GNA15: variants seen among roughly 807,000 people sequenced by gnomAD.
The protein encoded by GNA15 is G protein subunit alpha 15, also known as guanine nucleotide-binding protein subunit alpha-15.
Under a neutral mutation model 40.1 loss-of-function variants are expected in GNA15, and 23 were observed. That is an observed-to-expected ratio of 0.57 (90% CI 0.41 to 0.81). The LOEUF is 0.81. Among genes scored for constraint, GNA15 ranks in the 40% least tolerant of loss-of-function variants. GNA15 has a pLI of 0.00. For synonymous variants in GNA15, 226 were observed against 210.4 expected, an observed-to-expected ratio of 1.07 and a Z score of -0.64; for missense variants, 522 against 515.8, an observed-to-expected ratio of 1.01 and a Z score of -0.12.
intron 3 of GNA15, among the ~76,000 whole-genome samples, chr19:3,150,838 C>G (rs913049760): frequency 2.7e-5 from 4 of 150,380 alleles, no homozygotes; most frequent in Non-Finnish European, 4.4e-5. Flanking sequence ...GCCTTGGAGT[C>G]CCTGTTCCCG....
At chr19:3,158,983 G>A (rs901169973) in intron 6 of GNA15, among the ~76,000 whole-genome samples, 7 of 151,594 alleles carry the variant, frequency 4.6e-5, no homozygotes, top group Non-Finnish European at 5.9e-5. Flanking sequence ...ATCCCTAATT[G>A]GATAGCAATT....
intron 1 of GNA15, among the ~76,000 whole-genome samples, chr19:3,148,045 G>T (rs538332173): frequency 1.3e-5 from 2 of 151,704 alleles, no homozygotes; most frequent in East Asian, 3.9e-4. Flanking sequence ...GTTTGATGCA[G>T]CAGGCATGGT....
In GNA15 at chr19:3,163,263, C is replaced by T; in HGVS notation, c.*244C>T. 1 of 544,878 alleles carries T rather than the reference C, an allele frequency of 1.8e-6. No individual in the cohort carries two copies. Among genetic ancestry groups the T allele is most frequent in the African/African-American group, 1.9e-5 (1 of 52,992 alleles). The allele number at this position is 544,878 out of a possible 1,614,324, so 33.8% of individuals were successfully genotyped here. ...TTTGAAAGGGAAGGAGCAAAACGGC[C>T]ATTTGGGATGCCAGGGTGGATGAAA... On this transcript the variant is annotated 3_prime_UTR_variant, in exon 7 of 7. Coordinates refer to ENST00000262958, the MANE Select transcript of GNA15 (RefSeq NM_002068.4).
chr19:3,161,797 C>T (rs1166185441), intron 6 of GNA15, among the ~76,000 whole-genome samples: 1 of 152,156 alleles, frequency 6.6e-6, no homozygotes, highest in Non-Finnish European at 1.5e-5. Flanking sequence ...CTTTGGGAGG[C>T]TGAGGCGCGC....
chr19:3,146,436 C>T (rs1914722848), intron 1 of GNA15: 1 of 152,182 alleles, frequency 6.6e-6, no homozygotes, highest in African/African-American at 2.4e-5. Context: ...CATCAGTATC[C>T]CGGACCCAGG....
rs1165980266 is a variant in GNA15 at position 3,136,063 on chromosome 19, A to G, written c.-388A>G. On this transcript the variant is annotated 5_prime_UTR_variant, in exon 1 of 7. Transcript: ENST00000262958. The surrounding 1 kb of genome is among the most constrained non-coding windows in gnomAD (Gnocchi z 4.9). ...GAGGAAGAAGGGCCCTGCTGGTCAC[A>G]CAGGACCCAGTCTGCGGTGGGGGTT... is the stretch of plus-strand genomic sequence containing the variant. The G allele has an allele frequency of 5.6e-6, 1 of 178,528 alleles. No homozygotes were observed. Among genetic ancestry groups the G allele is most frequent in the East Asian group, 1.7e-4 (1 of 5,984 alleles). 11.1% of individuals were successfully genotyped at this position (178,528 alleles called of 1,614,324 possible). A position where few individuals can be genotyped will look rare whatever the true frequency, so the allele number is the denominator to read the frequency against.
At chr19:3,145,359 A>ATATATATTTTTTTTTTTTTTTTTTTT in intron 1 of GNA15, among the ~76,000 whole-genome samples, 1 of 46,968 alleles carries the variant, frequency 2.1e-5, no homozygotes, top group African/African-American at 9.2e-5. Context: ...ATATATATAT[A>ATATATATTTTTTTTTTTTTTTTTTTT]TTTTTTTTTT....
rs1249916718 is a variant in GNA15, at chr19:3,163,436, C to T, written c.*417C>T. On this transcript the variant is annotated 3_prime_UTR_variant, in exon 7 of 7. Coordinates refer to ENST00000262958, the MANE Select transcript of GNA15 (RefSeq NM_002068.4). Reference sequence around the variant, plus strand: ...ATGGGGCTAGTAGAGCCTTCAGGCGCCTTCGGGCGTGGACTCTGGCGCACT... The same window carrying T: ...ATGGGGCTAGTAGAGCCTTCAGGCGTCTTCGGGCGTGGACTCTGGCGCACT... 1 of 225,476 alleles carries T rather than the reference C, an allele frequency of 4.4e-6. No individual in the cohort carries two copies. The highest frequency in any genetic ancestry group is 9.0e-6 in the Non-Finnish European group (1 of 111,168). 14.0% of individuals were successfully genotyped at this position (225,476 alleles called of 1,614,324 possible).
At chr19:3,159,670 T>C (rs1915102976) in intron 6 of GNA15, among the ~76,000 whole-genome samples, 1 of 152,224 alleles carries the variant, frequency 6.6e-6, no homozygotes, top group Admixed American at 6.5e-5. Context: ...AAGCAGAGCT[T>C]TGAACAATGT....
rs1637655 is a variant in GNA15, at chr19:3,162,540, G to T, written c.899-253G>T. On this transcript the variant is annotated intron_variant, in intron 6 of 6. Coordinates refer to ENST00000262958, the MANE Select transcript of GNA15 (RefSeq NM_002068.4). ...GTCTCTCTTTAACACAGTTCTGCCC[G>T]AAGTCCCAGAGCTGGGTCTCATTGG... Among the ~76,000 whole-genome samples the T allele has an allele frequency of 8.1e-3, 1,234 of 152,246 alleles. 12 individuals carry two copies. Among genetic ancestry groups the T allele is most frequent in the Non-Finnish European group, 9.6e-3 (654 of 67,996 alleles).
Position 3,150,137 on chromosome 19 carries a change from G to A in GNA15, c.337G>A (p.Ala113Thr). The A allele has an allele frequency of 4.3e-6, 7 of 1,613,014 alleles. No homozygotes were observed. Among genetic ancestry groups the A allele is most frequent in the Non-Finnish European group, 5.1e-6 (6 of 1,179,788 alleles). The change falls in exon 3 of 7, where the codon GCT becomes ACT. Residue 113 changes from alanine (A) to threonine (T), a missense_variant. Transcript: ENST00000262958. Reference sequence around the variant, plus strand: ...CCCCGTCCTCCCTCCCCAGCACCACGCTAGCCTGGTCATGAGCCAGGACCC... The same window carrying A: ...CCCCGTCCTCCCTCCCCAGCACCACACTAGCCTGGTCATGAGCCAGGACCC... The part of the protein sequence containing the change: ...PFSRPESKHH[A>T]SLVMSQDPYK...
chr19:3,149,267 A>C (rs1359896081), intron 2 of GNA15: 1 of 162,130 alleles, frequency 6.2e-6, no homozygotes, highest in Non-Finnish European at 1.4e-5. Flanking sequence ...ATGCATGCAA[A>C]TTCCCACATG....
At chr19:3,150,334 C>T (rs752608486) in intron 3 of GNA15, 49 bp downstream of exon 3, 90 of 1,456,928 alleles carry the variant, frequency 6.2e-5, no homozygotes, top group Non-Finnish European at 8.0e-5. Context: ...GGGCTGAGGG[C>T]AGGGGCCAGG....
chr19:3,141,066 T>C (rs1914565457), intron 1 of GNA15, among the ~76,000 whole-genome samples: 3 of 151,668 alleles, frequency 2.0e-5, no homozygotes, highest in African/African-American at 7.3e-5. Context: ...TGGAGGTGGC[T>C]GATCCTTTTG....
chr19:3,139,092 C>T (rs549920215), intron 1 of GNA15, among the ~76,000 whole-genome samples: 50 of 151,164 alleles, frequency 3.3e-4, no homozygotes, highest in African/African-American at 9.5e-4. Context: ...ACTACTGGTG[C>T]GCACTACCAC....
At chr19:3,153,568 GGTGGATGGATGGGTGAATGA>G in intron 4 of GNA15, among the ~76,000 whole-genome samples, 1 of 151,844 alleles carries the variant, frequency 6.6e-6, no homozygotes, top group African/African-American at 2.4e-5. Flanking sequence ...TGGATGAATG[GGTGGATGGATGGGTGAATGA>G]GTGGATGGAT....
At chr19:3,137,446 A>G (rs1223104149) in intron 1 of GNA15, among the ~76,000 whole-genome samples, 1 of 152,116 alleles carries the variant, frequency 6.6e-6, no homozygotes, top group Non-Finnish European at 1.5e-5. Flanking sequence ...TCAGGAGTTC[A>G]AGACACAGCC....
At position 3,145,361 on chromosome 19, in the gene GNA15, T is replaced by TTTTC. The variant is rs1914695685; in HGVS notation, c.146-3227_146-3226insCTTT. Among the ~76,000 whole-genome samples, 2 of 28,232 alleles carry TTTTC rather than the reference T, an allele frequency of 7.1e-5. 1 individual carries two copies. Among genetic ancestry groups the TTTTC allele is most frequent in the Non-Finnish European group, 1.3e-4 (2 of 14,880 alleles). 18.5% of individuals were successfully genotyped at this position (28,232 alleles called of 152,430 possible). On this transcript the variant is annotated intron_variant, in intron 1 of 6. Transcript: ENST00000262958. The stretch of plus-strand genomic sequence containing the variant: ...AATATATATATATATATATATATAT[T>TTTTC]TTTTTTTTTTTGTAGAGATGGGGTC...
chr19:3,136,668 G>T lies in GNA15; in HGVS notation c.145+73G>T. The T allele has an allele frequency of 7.1e-7, 1 of 1,399,322 alleles. No homozygotes were observed. Among genetic ancestry groups the T allele is most frequent in the East Asian group, 2.5e-5 (1 of 39,394 alleles). 86.7% of individuals were successfully genotyped at this position (1,399,322 alleles called of 1,614,324 possible). On this transcript the variant is annotated intron_variant, in intron 1 of 6. Transcript: ENST00000262958. This position sits in a 1 kb window ranked among gnomAD's most constrained non-coding sequence, Gnocchi z 4.9. The stretch of plus-strand genomic sequence containing the variant: ...CCAGCCGGCAGGGGTGTCGGGGCAA[G>T]GAGGCGGATCAGGCTAGGTCAGACA...
Sources: gnomAD v4.1 joint callset for allele counts (sites outside exome capture counted in the v4.1 genomes callset) on GRCh38, gnomAD v4.1.1 for gene constraint, Gnocchi (gnomAD v3.1) non-coding constraint, MANE v1.5 for transcripts, NCBI Gene and HGNC (gene_info 2026-07-23, HGNC 2026-07-21) for gene names.